TMCC1: variants seen among roughly 807,000 people sequenced by gnomAD.
TMCC1 encodes the protein transmembrane and coiled-coil domain family 1, also known as transmembrane and coiled-coil domains protein 1.
Under a neutral mutation model 52.4 loss-of-function variants are expected in TMCC1, and 15 were observed. That is an observed-to-expected ratio of 0.29 (90% CI 0.19 to 0.44). The LOEUF (loss-of-function observed/expected upper bound fraction) is 0.44. Among genes scored for constraint, TMCC1 ranks in the 20% least tolerant of loss-of-function variants. The pLI is 1.00. For missense variants in TMCC1, 503 were observed against 806.0 expected, an observed-to-expected ratio of 0.62 and a Z score of 4.55; for synonymous variants, 279 against 301.9, an observed-to-expected ratio of 0.92 and a Z score of 0.79.
chr3:129,785,602 T>C (rs181527201), intron 4 of TMCC1, among the ~76,000 whole-genome samples: 13 of 145,246 alleles, frequency 9.0e-5, no homozygotes, highest in Admixed American at 2.7e-4. Flanking sequence ...CACACACACA[T>C]ACACACACAC....
At chr3:129,879,790 G>A (rs1016944634) in intron 2 of TMCC1, among the ~76,000 whole-genome samples, 6 of 152,132 alleles carry the variant, frequency 3.9e-5, no homozygotes, top group African/African-American at 1.4e-4. Flanking sequence ...TTATGCTAAC[G>A]TTACTAAGCT....
intron 4 of TMCC1, among the ~76,000 whole-genome samples, chr3:129,811,173 T>G (rs1306476020): frequency 1.3e-5 from 2 of 152,252 alleles, no homozygotes; most frequent in African/African-American, 2.4e-5. Flanking sequence ...GTTACTCTGA[T>G]GCACTACTCC....
At position 129,774,158 on chromosome 3, in the gene TMCC1, T is replaced by C. The variant is rs62265568; in HGVS notation, c.576+53645A>G. On this transcript the variant is annotated intron_variant, in intron 4 of 6. Transcript: ENST00000393238. Reference sequence around the variant, plus strand: ...TTCTAGGTCTGGAGGAGGAAAGATATCAAGCTGAAACACCTTTGTTTCTTG... The same window carrying C: ...TTCTAGGTCTGGAGGAGGAAAGATACCAAGCTGAAACACCTTTGTTTCTTG... 4.1e-3 allele frequency among the ~76,000 whole-genome samples: 630 copies of C among 152,236 alleles called. 6 individuals carry two copies. Among genetic ancestry groups the C allele is most frequent in the African/African-American group, 0.015 (604 of 41,546 alleles).
intron 4 of TMCC1, among the ~76,000 whole-genome samples, chr3:129,725,358 C>G (rs924828459): frequency 1.3e-5 from 2 of 152,162 alleles, no homozygotes; most frequent in Non-Finnish European, 2.9e-5. Context: ...ATCCTCCTGC[C>G]TTGGCCTCCT....
chr3:129,709,720 T>C (rs1368132153), intron 4 of TMCC1, among the ~76,000 whole-genome samples: 1 of 152,020 alleles, frequency 6.6e-6, no homozygotes, highest in Non-Finnish European at 1.5e-5. Context: ...CTTCTGCTTG[T>C]ATTTTTGGGC....
At chr3:129,827,696 T>C (rs2058716446) in intron 4 of TMCC1, 107 bp downstream of exon 4, 3 of 1,365,276 alleles carry the variant, frequency 2.2e-6, no homozygotes, top group Non-Finnish European at 3.0e-6. Context: ...TTACCACAAC[T>C]TTAAGGTATT....
chr3:129,741,829 C>T (rs927430947), intron 4 of TMCC1, among the ~76,000 whole-genome samples: 1 of 152,140 alleles, frequency 6.6e-6, no homozygotes, highest in Non-Finnish European at 1.5e-5. Flanking sequence ...ACTACAACTT[C>T]ATTCTCTAAT....
chr3:129,669,267 T>C (rs1335998418), intron 5 of TMCC1, among the ~76,000 whole-genome samples: 2 of 152,198 alleles, frequency 1.3e-5, no homozygotes, highest in Non-Finnish European at 2.9e-5. Context: ...CTCCTGATGT[T>C]ACAGTAGAAG....
intron 4 of TMCC1, among the ~76,000 whole-genome samples, chr3:129,713,486 G>A (rs116668477): frequency 3.1e-3 from 467 of 152,188 alleles, no homozygotes; most frequent in Non-Finnish European, 4.4e-3. Context: ...GGCAGCATTC[G>A]TTTAGGAAAT....
intron 3 of TMCC1, among the ~76,000 whole-genome samples, chr3:129,830,565 G>T (rs1364152097): frequency 1.3e-5 from 2 of 152,142 alleles, no homozygotes; most frequent in Non-Finnish European, 2.9e-5. Flanking sequence ...GAAGATGGGA[G>T]GGTGTGAAAG....
chr3:129,718,287 CTG>C (rs2049262911), intron 4 of TMCC1, among the ~76,000 whole-genome samples: 1 of 152,164 alleles, frequency 6.6e-6, no homozygotes, highest in African/African-American at 2.4e-5. Flanking sequence ...ATAAAATTAA[CTG>C]TAGTATATAC....
At chr3:129,773,721 AATCACTTC>A (rs1313758880) in intron 4 of TMCC1, among the ~76,000 whole-genome samples, 1 of 152,128 alleles carries the variant, frequency 6.6e-6, no homozygotes, top group Non-Finnish European at 1.5e-5. Flanking sequence ...GGGATGGGAG[AATCACTTC>A]AGCCCAGGAG....
At chr3:129,760,071 G>A (rs1254266761) in intron 4 of TMCC1, among the ~76,000 whole-genome samples, 1 of 151,264 alleles carries the variant, frequency 6.6e-6, no homozygotes, top group East Asian at 1.9e-4. Flanking sequence ...ATAGTTTAAG[G>A]TTTACAGAAA....
intron 4 of TMCC1, among the ~76,000 whole-genome samples, chr3:129,803,207 C>T (rs1209376630): frequency 1.3e-5 from 2 of 152,226 alleles, no homozygotes; most frequent in Non-Finnish European, 2.9e-5. Context: ...AATTCTATTA[C>T]ATGCAACAAC....
intron 2 of TMCC1, among the ~76,000 whole-genome samples, chr3:129,876,103 C>T (rs1273517546): frequency 1.3e-5 from 2 of 148,600 alleles, no homozygotes; most frequent in East Asian, 3.9e-4. Flanking sequence ...CACTGCACTC[C>T]AGCCTGGGGA....
chr3:129,721,877 A>AAAAC (rs112551122), intron 4 of TMCC1, among the ~76,000 whole-genome samples: 149,127 of 151,370 alleles, frequency 0.99, 73,498 homozygotes, highest in East Asian at 1. Context: ...CTCCGTCTCA[A>AAAAC]AAACAAACAA....
intron 4 of TMCC1, among the ~76,000 whole-genome samples, chr3:129,774,517 G>A (rs965191569): frequency 7.2e-5 from 11 of 152,140 alleles, no homozygotes; most frequent in Non-Finnish European, 1.5e-4. Context: ...TCAGTCTAGT[G>A]GAAAACAGAC....
intron 4 of TMCC1, among the ~76,000 whole-genome samples, chr3:129,760,089 G>A (rs1421165163): frequency 2.0e-5 from 3 of 151,848 alleles, no homozygotes; most frequent in African/African-American, 4.9e-5. Flanking sequence ...AAAAACTGGA[G>A]AGATAATGCA....
At chr3:129,726,306 T>C (rs943048292) in intron 4 of TMCC1, among the ~76,000 whole-genome samples, 2 of 152,160 alleles carry the variant, frequency 1.3e-5, no homozygotes, top group African/African-American at 4.8e-5. Flanking sequence ...GATACAAAAA[T>C]GAATAAGATG....
Sources: gnomAD v4.1 joint callset for allele counts (sites outside exome capture counted in the v4.1 genomes callset) on GRCh38, gnomAD v4.1.1 for gene constraint, MANE v1.5 for transcripts, NCBI Gene and HGNC (gene_info 2026-07-23, HGNC 2026-07-21) for gene names.